The following NRXN1 variants were observed in gnomAD, a reference collection of about 807,000 sequenced individuals.
The protein encoded by NRXN1 is neurexin-1.
NRXN1 carries 39 observed loss-of-function variants against 150.9 expected under a neutral mutation model. The ratio of observed to expected loss-of-function variants is 0.26; its 90% CI spans 0.20 to 0.34. The LOEUF (loss-of-function observed/expected upper bound fraction) is 0.34. NRXN1 is among the 10% of genes least tolerant of loss of function. The pLI, the probability that NRXN1 is intolerant of heterozygous loss-of-function variation, is 1.00. For synonymous variants in NRXN1, 924 were observed against 757.0 expected, an observed-to-expected ratio of 1.22 and a Z score of -3.62; for missense variants, 1,815 against 1,949.9, an observed-to-expected ratio of 0.93 and a Z score of 1.30.
intron 18 of NRXN1, among the ~76,000 whole-genome samples, chr2:50,142,959 C>A (rs1223758348): frequency 6.6e-6 from 1 of 151,854 alleles, no homozygotes. Flanking sequence ...ATCACCCTAT[C>A]CCCGTAACAG....
At chr2:50,222,030 A>G (rs1186686086) in intron 18 of NRXN1, among the ~76,000 whole-genome samples, 1 of 152,028 alleles carries the variant, frequency 6.6e-6, no homozygotes, top group Non-Finnish European at 1.5e-5. Context: ...ATTGAAATAA[A>G]AAGTGACTAG....
chr2:50,714,518 C>T (rs567105938), intron 5 of NRXN1, among the ~76,000 whole-genome samples: 2 of 152,056 alleles, frequency 1.3e-5, no homozygotes, highest in South Asian at 2.1e-4. Flanking sequence ...CAATCATTAC[C>T]CAAGGTAAGT....
chr2:50,157,922 G>A (rs2059123693), intron 18 of NRXN1, among the ~76,000 whole-genome samples: 2 of 151,724 alleles, frequency 1.3e-5, no homozygotes, highest in Non-Finnish European at 1.5e-5. Context: ...CTGGGGATAT[G>A]GATTTAGGAG....
chr2:50,620,244 G>A, intron 7 of NRXN1, 61 bp from the exon 8 acceptor site: 1 of 1,494,054 alleles, frequency 6.7e-7, no homozygotes, highest in Non-Finnish European at 9.1e-7. Flanking sequence ...TGTAATCCTG[G>A]GATATGCCTG....
rs55865684 is a variant in NRXN1 at position 50,329,578 on chromosome 2, A to AGT, written c.3365-92610_3365-92609dup. ...AGATTAAACTATCATATATAACAGTAGTGTGTGTGTGTGTGTGTGTGTGTG... is the reference window on the plus strand; with the variant it reads ...AGATTAAACTATCATATATAACAGTAGTGTGTGTGTGTGTGTGTGTGTGTGTG... On this transcript the variant is annotated intron_variant, in intron 17 of 22. Coordinates refer to ENST00000401669, the MANE Select transcript of NRXN1 (RefSeq NM_001330078.2). Among the ~76,000 whole-genome samples, 307 of 33,884 alleles carry AGT rather than the reference A, an allele frequency of 9.1e-3. 8 individuals are homozygous for AGT. The highest frequency in any genetic ancestry group is 9.5e-3 in the Non-Finnish European group (168 of 17,654). The allele number at this position is 33,884 out of a possible 152,430, so 22.2% of individuals were successfully genotyped here. A position where few individuals can be genotyped will look rare whatever the true frequency, so the allele number is the denominator to read the frequency against.
chr2:49,957,542 A>G (rs1675197713), intron 21 of NRXN1, among the ~76,000 whole-genome samples: 1 of 152,272 alleles, frequency 6.6e-6, no homozygotes, highest in African/African-American at 2.4e-5. Flanking sequence ...CCATGTTTAA[A>G]TATTCTATAA....
intron 19 of NRXN1, among the ~76,000 whole-genome samples, chr2:50,070,764 C>T (rs551057754): frequency 2.4e-3 from 221 of 93,198 alleles, no homozygotes; most frequent in Non-Finnish European, 2.7e-3. Context: ...AGCGAGACTC[C>T]GTCTCAAAAA....
chr2:50,532,641 C>G (rs535971676), intron 10 of NRXN1, among the ~76,000 whole-genome samples: 3 of 152,052 alleles, frequency 2.0e-5, no homozygotes, highest in Non-Finnish European at 4.4e-5. Flanking sequence ...TGTGCTTTTG[C>G]TACACTAAAT....
intron 18 of NRXN1, among the ~76,000 whole-genome samples, chr2:50,123,464 G>A (rs894026028): frequency 6.6e-6 from 1 of 152,162 alleles, no homozygotes; most frequent in African/African-American, 2.4e-5. Flanking sequence ...GTTAAAGTGT[G>A]TGAGGGGTGC....
intron 17 of NRXN1, among the ~76,000 whole-genome samples, chr2:50,441,836 C>G (rs936463326): frequency 6.6e-6 from 1 of 152,152 alleles, no homozygotes; most frequent in African/African-American, 2.4e-5. Context: ...CCATCAGCAT[C>G]TGATTTGGTG....
At chr2:50,337,340 C>A (rs1404837448) in intron 17 of NRXN1, among the ~76,000 whole-genome samples, 1 of 152,118 alleles carries the variant, frequency 6.6e-6, no homozygotes, top group Non-Finnish European at 1.5e-5. Context: ...TCGCCTCAGC[C>A]TCCCAAAGTG....
chr2:50,885,858 T>C (rs899256748), intron 5 of NRXN1, among the ~76,000 whole-genome samples: 4 of 108,940 alleles, frequency 3.7e-5, no homozygotes, highest in Admixed American at 3.5e-4. Context: ...CACACGTCTA[T>C]ACCATTTAAT....
chr2:50,591,063 A>G (rs928174279), intron 8 of NRXN1, among the ~76,000 whole-genome samples: 11 of 152,322 alleles, frequency 7.2e-5, no homozygotes, highest in African/African-American at 2.6e-4. Context: ...ATTGATCAAC[A>G]TGCTGCAAAG....
chr2:50,931,872 T>C (rs774829159), intron 2 of NRXN1, among the ~76,000 whole-genome samples: 88 of 152,120 alleles, frequency 5.8e-4, no homozygotes, highest in Non-Finnish European at 1.1e-3. Context: ...TATTATTTTT[T>C]TTTTCTGGAG....
At chr2:50,618,498 A>G (rs1244019057) in intron 8 of NRXN1, among the ~76,000 whole-genome samples, 1 of 152,070 alleles carries the variant, frequency 6.6e-6, no homozygotes, top group Non-Finnish European at 1.5e-5. Flanking sequence ...ACAATCTTTT[A>G]GGAACTCTAA....
At chr2:50,296,503 C>T (rs555233764) in intron 17 of NRXN1, among the ~76,000 whole-genome samples, 1 of 105,412 alleles carries the variant, frequency 9.5e-6, no homozygotes, top group African/African-American at 3.3e-5. Flanking sequence ...TCCATGTGTA[C>T]CCATTGCTTA....
intron 13 of NRXN1, 74 bp downstream of exon 13, chr2:50,506,421 G>C: frequency 6.9e-7 from 1 of 1,452,306 alleles, no homozygotes; most frequent in Non-Finnish European, 9.4e-7. Flanking sequence ...CAGCCTTGGT[G>C]TGCAAAACCA....
intron 5 of NRXN1, among the ~76,000 whole-genome samples, chr2:50,626,308 G>GA (rs919139104): frequency 1.0e-4 from 15 of 150,072 alleles, no homozygotes; most frequent in African/African-American, 2.2e-4. Flanking sequence ...CAATCTATGA[G>GA]AAAAAAAAAG....
chr2:50,433,536 T>C (rs1427022842), intron 17 of NRXN1, among the ~76,000 whole-genome samples: 1 of 151,904 alleles, frequency 6.6e-6, no homozygotes, highest in Non-Finnish European at 1.5e-5. Flanking sequence ...TTGTCTAACA[T>C]TGATAGGTAG....
Sources: gnomAD v4.1 joint callset for allele counts (sites outside exome capture counted in the v4.1 genomes callset) on GRCh38, gnomAD v4.1.1 for gene constraint, MANE v1.5 for transcripts, NCBI Gene and HGNC (gene_info 2026-07-23, HGNC 2026-07-21) for gene names.